ZNF560: variants seen among roughly 807,000 people sequenced by gnomAD.
The protein encoded by ZNF560 is zinc finger protein 560.
A neutral mutation model predicts 81.8 loss-of-function variants in ZNF560; 54 were observed. The ratio of observed to expected loss-of-function variants is 0.66; its 90% CI spans 0.53 to 0.83. The LOEUF (loss-of-function observed/expected upper bound fraction) is 0.83. Ranked by LOEUF, ZNF560 falls within the 40% of genes least tolerant of loss-of-function variation. The probability of loss-of-function intolerance (pLI) is 0.00; values close to 1 mark genes in which losing one functional copy is unlikely to be tolerated. For synonymous variants in ZNF560, 321 were observed against 317.9 expected (o/e 1.01, Z -0.10); for missense variants, 940 against 932.4 (o/e 1.01, Z -0.11).
At chr19:9,468,725 C>CTTTTTT (rs3068756) in intron 9 of ZNF560, among the ~76,000 whole-genome samples, 13 of 123,006 alleles carry the variant, frequency 1.1e-4, no homozygotes, top group South Asian at 2.6e-4. Context: ...CTGCTGATTT[C>CTTTTTT]TTTTTTTTTT....
In ZNF560 at chr19:9,467,351, A is replaced by T; in HGVS notation, c.1596T>A (p.Arg532=). 1 of 1,614,194 alleles carries T rather than the reference A, an allele frequency of 6.2e-7. No homozygotes were observed. The highest frequency in any genetic ancestry group is 1.1e-5 in the South Asian group (1 of 91,082). The change falls in exon 10 of 10, where the codon CGT becomes CGA. Residue 532 remains arginine (R), a synonymous_variant. Transcript: ENST00000301480. Reference sequence around the variant, plus strand: ...CTTCTGTGTGAGTTCGCATGTGAATACGAAGACAGGCAGAAGAGGTAAATG... The same window carrying T: ...CTTCTGTGTGAGTTCGCATGTGAATTCGAAGACAGGCAGAAGAGGTAAATG... ...GKPFTSSACL[R]IHMRTHTEER...
At chr19:9,502,177 A>T (rs529289891), upstream of ZNF560, among the ~76,000 whole-genome samples, 32 of 151,720 alleles carry the variant, frequency 2.1e-4, 1 homozygote, top group Middle Eastern at 3.4e-3. Flanking sequence ...AGAAAAAAAA[A>T]AGTGTTCTCT....
intron 2 of ZNF560, among the ~76,000 whole-genome samples, chr19:9,495,766 A>G (rs527970326): frequency 6.6e-6 from 1 of 152,156 alleles, no homozygotes; most frequent in Non-Finnish European, 1.5e-5. Flanking sequence ...TTCTGAAAAT[A>G]TATTTGAGTA....
chr19:9,456,454 G>A, the ZNF560 span, among the ~76,000 whole-genome samples: 1 of 152,088 alleles, frequency 6.6e-6, no homozygotes, highest in Non-Finnish European at 1.5e-5. Context: ...TGTGGGACTA[G>A]GAAAAAGTGA....
At chr19:9,455,608 A>C in the ZNF560 span, among the ~76,000 whole-genome samples, 38 of 152,226 alleles carry the variant, frequency 2.5e-4, 1 homozygote, top group Admixed American at 1.5e-3. Flanking sequence ...GGGCCAAAAG[A>C]ACCCTATGCA....
At chr19:9,475,780 G>C (rs1301486769) in intron 2 of ZNF560, among the ~76,000 whole-genome samples, 1 of 151,900 alleles carries the variant, frequency 6.6e-6, no homozygotes, top group Admixed American at 6.6e-5. Context: ...CTAATTTTTT[G>C]TAGTTTTAGT....
At chr19:9,449,991 A>AC in the ZNF560 span, among the ~76,000 whole-genome samples, 1 of 147,146 alleles carries the variant, frequency 6.8e-6, no homozygotes, top group Non-Finnish European at 1.5e-5. Flanking sequence ...AAAAAAAAAA[A>AC]AAAAAAACAA....
At chr19:9,465,995 AAAAC>A (rs758928039), downstream of ZNF560, among the ~76,000 whole-genome samples, 9 of 151,790 alleles carry the variant, frequency 5.9e-5, no homozygotes, top group South Asian at 2.1e-4. Context: ...CTTCATCTCA[AAAAC>A]AAACAAACAA....
chr19:9,452,939 T>C, the ZNF560 span, among the ~76,000 whole-genome samples: 5 of 152,050 alleles, frequency 3.3e-5, no homozygotes, highest in Non-Finnish European at 7.4e-5. Context: ...GAAGCAAAAA[T>C]TAAAAATAGA....
At position 9,467,445 on chromosome 19, in the gene ZNF560, GAGAA is replaced by G. The variant is rs755951181; in HGVS notation, c.1498_1501del (p.Phe500HisfsTer7). The G allele has an allele frequency of 5.0e-6, 8 of 1,613,940 alleles. No individual in the cohort carries two copies. The highest frequency in any genetic ancestry group is 6.8e-6 in the Non-Finnish European group (8 of 1,180,016). Reference sequence around the variant, plus strand: ...AGTTCTCAAATGAGCAAAAAGAGATGAGAAAGAAACAAAGACTTTCCCACACTGG... The same window carrying G: ...AGTTCTCAAATGAGCAAAAAGAGATGAGAAACAAAGACTTTCCCACACTGG... On this transcript the variant is annotated frameshift_variant, in exon 10 of 10. Transcript: ENST00000301480. LOFTEE classifies it high-confidence loss of function.
At position 9,467,919 on chromosome 19, in the gene ZNF560, ATG is replaced by A. The variant is rs1303179888; in HGVS notation, c.1026_1027del (p.Ile343TyrfsTer2). ...CTTACATTCATAGGGGTTTTTAATAATGTGTGTTTCAACATTTACAGCATGGC... is the reference window on the plus strand; with the variant it reads ...CTTACATTCATAGGGGTTTTTAATAATGTGTTTCAACATTTACAGCATGGC... On this transcript the variant is annotated frameshift_variant, in exon 10 of 10. Transcript: ENST00000301480. LOFTEE classifies it high-confidence loss of function. 1 of 1,614,134 alleles carries A rather than the reference ATG, an allele frequency of 6.2e-7. No homozygotes were observed. Among genetic ancestry groups the A allele is most frequent in the African/African-American group, 1.3e-5 (1 of 75,056 alleles).
the ZNF560 span, among the ~76,000 whole-genome samples, chr19:9,454,018 T>C: frequency 1.3e-5 from 2 of 152,064 alleles, no homozygotes; most frequent in African/African-American, 2.4e-5. Flanking sequence ...ACACTGGAGG[T>C]TGCTGGTTCA....
At chr19:9,459,063 A>G in the ZNF560 span, among the ~76,000 whole-genome samples, 1 of 152,222 alleles carries the variant, frequency 6.6e-6, no homozygotes, top group African/African-American at 2.4e-5. Flanking sequence ...CCCAAGCTAT[A>G]CTAGCCAAGC....
chr19:9,488,569 C>T (rs1334995383), intron 2 of ZNF560, among the ~76,000 whole-genome samples: 1 of 151,954 alleles, frequency 6.6e-6, no homozygotes, highest in Non-Finnish European at 1.5e-5. Flanking sequence ...AGTCCAAAAT[C>T]CAGGGAGAAA....
At chr19:9,448,221 C>CGT in the ZNF560 span, among the ~76,000 whole-genome samples, 1 of 151,230 alleles carries the variant, frequency 6.6e-6, no homozygotes, top group African/African-American at 2.4e-5. Flanking sequence ...TTTGTGTGTG[C>CGT]GTGTGGCGGG....
the ZNF560 span, among the ~76,000 whole-genome samples, chr19:9,506,208 G>A: frequency 1.3e-5 from 2 of 151,820 alleles, no homozygotes; most frequent in Admixed American, 1.3e-4. Context: ...GGCCACGCTG[G>A]TCTCGAACTC....
In ZNF560 at chr19:9,466,615, C is replaced by G. The variant is rs149418712; in HGVS notation, c.2332G>C (p.Ala778Pro). ...TGTGCAATACGAGCTGAGAAAGAAG[C>G]AAAGGCTTTCCCACACTGGTCACAT... ...FECDQCGKAF[A>P]SFSARIAHLK... Residue 778 changes from alanine (A) to proline (P), a missense_variant, in exon 10 of 10, where the codon GCT (alanine) becomes CCT (proline). Ala to Pro is a conservative substitution (Grantham distance 27). Transcript: ENST00000301480. The G allele has an allele frequency of 6.2e-7, 1 of 1,609,024 alleles. No homozygotes were observed. The highest frequency in any genetic ancestry group is 1.3e-5 in the African/African-American group (1 of 74,832).
chr19:9,472,991 C>T (rs2073146113), intron 5 of ZNF560, among the ~76,000 whole-genome samples, 188 bp downstream of exon 5: 1 of 152,184 alleles, frequency 6.6e-6, no homozygotes, highest in African/African-American at 2.4e-5. Context: ...CTGAGGCTCT[C>T]ACCTGAAGCA....
chr19:9,501,369 G>A (rs1190833638), upstream of ZNF560, among the ~76,000 whole-genome samples: 1 of 148,788 alleles, frequency 6.7e-6, no homozygotes, highest in African/African-American at 2.5e-5. Flanking sequence ...GTGTGTGTGT[G>A]TGTGTGTGTG....
Sources: allele counts gnomAD v4.1 joint callset (sites outside exome capture counted in the v4.1 genomes callset), GRCh38; gene constraint gnomAD v4.1.1; transcripts MANE v1.5; gene names NCBI Gene and HGNC (gene_info 2026-07-23, HGNC 2026-07-21).